The following TUBA4A variants were observed in gnomAD, a reference collection of about 807,000 sequenced individuals.
TUBA4A encodes the protein tubulin alpha 4a, also known as tubulin alpha-4A chain.
In TUBA4A, 23 loss-of-function variants were observed where a neutral mutation model predicts 34.3. The observed-to-expected ratio is 0.67, with a 90% CI of 0.48 to 0.95. TUBA4A has a LOEUF of 0.95. TUBA4A is among the 40% of genes least tolerant of loss of function. The pLI is 0.00. For missense variants in TUBA4A, 279 were observed against 599.0 expected, an observed-to-expected ratio of 0.47 and a Z score of 5.58; for synonymous variants, 216 against 230.5, an observed-to-expected ratio of 0.94 and a Z score of 0.57.
In TUBA4A at chr2:219,250,492, C is replaced by T; in HGVS notation, c.1207G>A (p.Ala403Thr). 1 of 1,614,212 alleles carries T rather than the reference C, an allele frequency of 6.2e-7. No individual in the cohort carries two copies. The highest frequency in any genetic ancestry group is 8.5e-7 in the Non-Finnish European group (1 of 1,180,046). Reference sequence around the variant, plus strand: ...TCACCCACATACCAGTGCACAAACGCCCTCTTGGCATACATCAGGTCGAAC... The same window carrying T: ...TCACCCACATACCAGTGCACAAACGTCCTCTTGGCATACATCAGGTCGAAC... ...HKFDLMYAKR[A>T]FVHWYVGEGM... The change falls in exon 4 of 4, where the codon GCG becomes ACG. Residue 403 changes from alanine (A) to threonine (T), a missense_variant. Physicochemically the swap from Ala to Thr is moderately conservative, Grantham distance 58 (BLOSUM62 0). Coordinates refer to ENST00000248437, the MANE Select transcript of TUBA4A (RefSeq NM_006000.3). The surrounding 1 kb of genome is among the most constrained non-coding windows in gnomAD (Gnocchi z 8.4).
In TUBA4A at chr2:219,251,735, A is replaced by T; in HGVS notation, c.227-22T>A. ...TCATCTGGAAGGGCAAAAACCACAA[A>T]GCTATGCTCAGCAGGGACCTTCCTC... is the stretch of plus-strand genomic sequence containing the variant. On this transcript the variant is annotated intron_variant, in intron 2 of 3. Coordinates refer to ENST00000248437, the MANE Select transcript of TUBA4A (RefSeq NM_006000.3). This position sits in a 1 kb window ranked among gnomAD's most constrained non-coding sequence, Gnocchi z 6.1. The T allele has an allele frequency of 6.2e-7, 1 of 1,605,458 alleles. No individual in the cohort carries two copies. Among genetic ancestry groups the T allele is most frequent in the Non-Finnish European group, 8.5e-7 (1 of 1,174,010 alleles).
At chr2:219,253,659 C>T (rs1454922119) in intron 1 of TUBA4A, among the ~76,000 whole-genome samples, 197 bp downstream of exon 1, 1 of 152,200 alleles carries the variant, frequency 6.6e-6, no homozygotes, top group Admixed American at 6.5e-5. Flanking sequence ...CAAGCCCCAA[C>T]CCCAGCCACC....
At position 219,249,739 on chromosome 2, in the gene TUBA4A, C is replaced by CCCCA. The variant is rs1440102230; in HGVS notation, c.*609_*612dup. ...GATGACCTGACTTTTAATGGCACAGCCCCAGCTCCAGCAAAGCAGCAAGAC... is the reference window on the plus strand; with the variant it reads ...GATGACCTGACTTTTAATGGCACAGCCCCACCCAGCTCCAGCAAAGCAGCAAGAC... On this transcript the variant is annotated 3_prime_UTR_variant, in exon 4 of 4. Coordinates refer to ENST00000248437, the MANE Select transcript of TUBA4A (RefSeq NM_006000.3). The CCCCA allele has an allele frequency of 6.5e-6, 1 of 152,830 alleles. No homozygotes were observed. The highest frequency in any genetic ancestry group is 1.5e-5 in the Non-Finnish European group (1 of 68,522). 9.5% of individuals were successfully genotyped at this position (152,830 alleles called of 1,614,324 possible).
At chr2:219,253,357 G>A (rs902174506) in intron 1 of TUBA4A, 20 of 1,515,780 alleles carry the variant, frequency 1.3e-5, no homozygotes, top group Non-Finnish European at 1.7e-5. Flanking sequence ...TGAGTCACGG[G>A]GGGGGGGTGG....
In TUBA4A at chr2:219,251,363, A is replaced by G; in HGVS notation, c.376-40T>C. 1 of 1,555,914 alleles carries G rather than the reference A, an allele frequency of 6.4e-7. No homozygotes were observed. Among genetic ancestry groups the G allele is most frequent in the South Asian group, 1.2e-5 (1 of 81,240 alleles). Reference sequence around the variant, plus strand: ...CGAGAAAGAACAGTTTAGGTAGGGGAGGGGCCTGAGGGACTCTATCACCTG... The same window carrying G: ...CGAGAAAGAACAGTTTAGGTAGGGGGGGGGCCTGAGGGACTCTATCACCTG... On this transcript the variant is annotated intron_variant, in intron 3 of 3. Transcript: ENST00000248437. This position sits in a 1 kb window ranked among gnomAD's most constrained non-coding sequence, Gnocchi z 6.1.
chr2:219,254,382 CG>C (rs769602490), upstream of TUBA4A: 1 of 152,858 alleles, frequency 6.5e-6, no homozygotes, highest in Non-Finnish European at 1.5e-5. Context: ...GGCGCGTCCC[CG>C]GGGAGCCCTT....
Position 219,253,854 on chromosome 2 carries a change from A to T in TUBA4A, c.3+2T>A. 6.7e-7 allele frequency: 1 copy of T among 1,485,862 alleles called. No individual in the cohort carries two copies. Among genetic ancestry groups the T allele is most frequent in the Non-Finnish European group, 8.9e-7 (1 of 1,121,314 alleles). The allele number at this position is 1,485,862 out of a possible 1,614,324, so 92.0% of individuals were successfully genotyped here. A position where few individuals can be genotyped will look rare whatever the true frequency, so the allele number is the denominator to read the frequency against. On this transcript the variant is annotated splice_donor_variant, in intron 1 of 3. Coordinates refer to ENST00000248437, the MANE Select transcript of TUBA4A (RefSeq NM_006000.3). LOFTEE classifies it high-confidence loss of function. ...GCGCGACCCCGGCCGGGCCGCACTCACCATGGTGAGTCCGGGCGGTGCGTC... is the reference window on the plus strand; with the variant it reads ...GCGCGACCCCGGCCGGGCCGCACTCTCCATGGTGAGTCCGGGCGGTGCGTC...
At chr2:219,253,198 C>G in intron 1 of TUBA4A, 1 of 1,497,980 alleles carries the variant, frequency 6.7e-7, no homozygotes, top group East Asian at 2.5e-5. Flanking sequence ...CCTCTCTCCC[C>G]TCCCCCCAAC....
chr2:219,250,510 G>A lies in TUBA4A; in HGVS notation c.1189C>T (p.Leu397=), dbSNP rs1372442083. 6.2e-7 allele frequency: 1 copy of A among 1,614,058 alleles called. No individual in the cohort carries two copies. The highest frequency in any genetic ancestry group is 2.2e-5 in the East Asian group (1 of 44,890). Residue 397 remains leucine, a synonymous_variant, in exon 4 of 4, where the codon CTG becomes TTG. Coordinates refer to ENST00000248437, the MANE Select transcript of TUBA4A (RefSeq NM_006000.3). The surrounding 1 kb of genome is among the most constrained non-coding windows in gnomAD (Gnocchi z 8.4). ...AWARLDHKFD[L]MYAKRAFVHW... Reference sequence around the variant, plus strand: ...ACAAACGCCCTCTTGGCATACATCAGGTCGAACTTGTGGTCCAGGCGGGCC... The same window carrying A: ...ACAAACGCCCTCTTGGCATACATCAAGTCGAACTTGTGGTCCAGGCGGGCC...
Position 219,250,434 on chromosome 2 carries a change from C to T in TUBA4A, c.1265G>A (p.Arg422His), listed in dbSNP as rs1257262841. ...CTTCTCCAGGGCAGCCATATCCTCA[C>T]GGGCCTCGGAGAACTCACCCTCCTC... is the stretch of plus-strand genomic sequence containing the variant. ...GMEEGEFSEAREDMAALEKDY... is the reference protein window; with the variant it reads ...GMEEGEFSEAHEDMAALEKDY... The change falls in exon 4 of 4, where the codon CGT (arginine) becomes CAT (histidine). Residue 422 changes from arginine to histidine, a missense_variant. Arg to His is a conservative substitution (Grantham distance 29). Around this residue, in one of 3 missense-constraint regions of TUBA4A, gnomAD observed 73 missense variants for 128.0 expected, o/e 0.57. Coordinates refer to ENST00000248437, the MANE Select transcript of TUBA4A (RefSeq NM_006000.3). This position sits in a 1 kb window ranked among gnomAD's most constrained non-coding sequence, Gnocchi z 8.4. The T allele has an allele frequency of 1.2e-6, 2 of 1,614,246 alleles. No homozygotes were observed. The highest frequency in any genetic ancestry group is 1.7e-6 in the Non-Finnish European group (2 of 1,180,038).
Position 219,250,557 on chromosome 2 carries a change from G to T in TUBA4A, c.1142C>A (p.Thr381Lys), listed in dbSNP as rs781587642. ...GGCCCAGGCCTCGGCGATGGCGGTCGTGTTGCTCAGCATGCACACGGCACG... is the reference window on the plus strand; with the variant it reads ...GGCCCAGGCCTCGGCGATGGCGGTCTTGTTGCTCAGCATGCACACGGCACG... The part of the protein sequence containing the change: ...VQRAVCMLSN[T>K]TAIAEAWARL... The change falls in exon 4 of 4, where the codon ACG becomes AAG. Residue 381 changes from threonine (T) to lysine (K), a missense_variant. By Grantham distance (78) the Thr-to-Lys change is moderately conservative (BLOSUM62 -1). Coordinates refer to ENST00000248437, the MANE Select transcript of TUBA4A (RefSeq NM_006000.3). The surrounding 1 kb of genome is among the most constrained non-coding windows in gnomAD (Gnocchi z 8.4). 1 of 1,614,120 alleles carries T rather than the reference G, an allele frequency of 6.2e-7. No homozygotes were observed. The highest frequency in any genetic ancestry group is 8.5e-7 in the Non-Finnish European group (1 of 1,180,056).
At position 219,250,731 on chromosome 2, in the gene TUBA4A, A is replaced by G; in HGVS notation, c.968T>C (p.Val323Ala). ...GGCAGCGTTGACATCCTTGGGCACC[A>G]CATCTCCACGGTACAGCAGGCAGCA... ...MACCLLYRGD[V>A]VPKDVNAAIA... Residue 323 changes from valine (V) to alanine (A), a missense_variant, in exon 4 of 4, where the codon GTG (valine) becomes GCG (alanine). By Grantham distance (64) the Val-to-Ala change is moderately conservative. Coordinates refer to ENST00000248437, the MANE Select transcript of TUBA4A (RefSeq NM_006000.3). The surrounding 1 kb of genome is among the most constrained non-coding windows in gnomAD (Gnocchi z 8.4). 6.2e-7 allele frequency: 1 copy of G among 1,614,250 alleles called. No individual in the cohort carries two copies. Among genetic ancestry groups the G allele is most frequent in the Non-Finnish European group, 8.5e-7 (1 of 1,180,048 alleles).
At position 219,250,476 on chromosome 2, in the gene TUBA4A, TACCAGTGCACAA is replaced by T. The variant is rs891810525; in HGVS notation, c.1211_1222del (p.Phe404_Trp407del). ...ACCCTCCTCCATGCCCTCACCCACA[TACCAGTGCACAA>T]ACGCCCTCTTGGCATACATCAGGTC... On this transcript the variant is annotated inframe_deletion, in exon 4 of 4. Transcript: ENST00000248437. The surrounding 1 kb of genome is among the most constrained non-coding windows in gnomAD (Gnocchi z 8.4). The T allele has an allele frequency of 3.7e-6, 6 of 1,614,188 alleles. No individual in the cohort carries two copies. The highest frequency in any genetic ancestry group is 5.1e-6 in the Non-Finnish European group (6 of 1,180,028).
In TUBA4A at chr2:219,251,585, G is replaced by A. The variant is rs1397725851; in HGVS notation, c.355C>T (p.Leu119=). The change falls in exon 3 of 4, where the codon CTG becomes TTG. Residue 119 remains leucine (L), a synonymous_variant. Coordinates refer to ENST00000248437, the MANE Select transcript of TUBA4A (RefSeq NM_006000.3). The surrounding 1 kb of genome is among the most constrained non-coding windows in gnomAD (Gnocchi z 6.1). Reference sequence around the variant, plus strand: ...CTCACCAGCTTGCGGATCCGATCCAGCACTGGGTCAATGATCTCCTTGCCA... The same window carrying A: ...CTCACCAGCTTGCGGATCCGATCCAACACTGGGTCAATGATCTCCTTGCCA... The part of the protein sequence containing the change: ...TIGKEIIDPV[L]DRIRKLSDQC... 3 of 1,613,958 alleles carry A rather than the reference G, an allele frequency of 1.9e-6. No individual in the cohort carries two copies. The highest frequency in any genetic ancestry group is 2.5e-6 in the Non-Finnish European group (3 of 1,179,964).
intron 1 of TUBA4A, chr2:219,253,478 C>G (rs1951682974): frequency 7.4e-7 from 1 of 1,342,456 alleles, no homozygotes; most frequent in Admixed American, 2.0e-5. Context: ...TGCTGAGGAC[C>G]AGGGACTGGG....
chr2:219,253,522 G>T (rs1951683741), intron 1 of TUBA4A: 1 of 1,025,080 alleles, frequency 9.8e-7, no homozygotes, highest in African/African-American at 1.6e-5. Context: ...GTCTTCTTTT[G>T]CCCGCGGAAA....
At position 219,251,806 on chromosome 2, in the gene TUBA4A, C is replaced by T; in HGVS notation, c.227-93G>A. ...CCAGATGCATGGAAGGACTCATCCT[C>T]CTGCCAGCCTGAGATACCAGAGTGT... On this transcript the variant is annotated intron_variant, in intron 2 of 3. Transcript: ENST00000248437. The surrounding 1 kb of genome is among the most constrained non-coding windows in gnomAD (Gnocchi z 6.1). The T allele has an allele frequency of 2.0e-6, 3 of 1,493,860 alleles. No individual in the cohort carries two copies. In the South Asian group the frequency reaches 3.9e-5, roughly 19 times the overall value. The allele number at this position is 1,493,860 out of a possible 1,614,324, so 92.5% of individuals were successfully genotyped here.
chr2:219,253,358 G>GGT (rs912024919), intron 1 of TUBA4A: 8 of 1,528,028 alleles, frequency 5.2e-6, no homozygotes, highest in African/African-American at 1.4e-5. Context: ...GAGTCACGGG[G>GGT]GGGGGGTGGT....
chr2:219,253,414 CACCAGGTA>C, intron 1 of TUBA4A: 1 of 1,526,736 alleles, frequency 6.5e-7, no homozygotes, highest in Non-Finnish European at 8.8e-7. Context: ...GGGGATGCGG[CACCAGGTA>C]ACCTGACCCC....
Sources: gnomAD v4.1 joint callset for allele counts (sites outside exome capture counted in the v4.1 genomes callset) on GRCh38, gnomAD v4.1.1 for gene constraint, gnomAD v4.1.1 regional missense constraint, Gnocchi (gnomAD v3.1) non-coding constraint, MANE v1.5 for transcripts, NCBI Gene and HGNC (gene_info 2026-07-23, HGNC 2026-07-21) for gene names.